Variants in SPATS2L observed in about 807,000 individuals in gnomAD.
SPATS2L encodes the protein spermatogenesis associated serine rich 2 like.
In SPATS2L, 30 loss-of-function variants were observed where a neutral mutation model predicts 59.6. The ratio of observed to expected loss-of-function variants is 0.50; its 90% CI spans 0.38 to 0.68. The LOEUF is 0.68. Ranked by LOEUF, SPATS2L falls within the 30% of genes least tolerant of loss-of-function variation. The pLI is 0.00. For missense variants in SPATS2L, 615 were observed against 700.0 expected (o/e 0.88, Z 1.37); for synonymous variants, 252 against 263.5 (o/e 0.96, Z 0.42).
chr2:200,362,777 G>GT (rs5837734), intron 2 of SPATS2L, among the ~76,000 whole-genome samples: 52,605 of 151,888 alleles, frequency 0.35, 9,919 homozygotes, highest in East Asian at 0.55. Context: ...AGTAAGCAAA[G>GT]TAAAAAAATA....
intron 2 of SPATS2L, among the ~76,000 whole-genome samples, chr2:200,362,435 T>C (rs536294206): frequency 3.1e-4 from 47 of 152,352 alleles, no homozygotes; most frequent in African/African-American, 1.1e-3. Context: ...CAGGTTGTCC[T>C]GTCATCCTTA....
At chr2:200,437,230 A>G (rs2084360778) in intron 6 of SPATS2L, among the ~76,000 whole-genome samples, 1 of 152,232 alleles carries the variant, frequency 6.6e-6, no homozygotes, top group Non-Finnish European at 1.5e-5. Context: ...CTCAATTTAT[A>G]GTATCTCATC....
intron 6 of SPATS2L, among the ~76,000 whole-genome samples, chr2:200,435,264 T>G (rs1309244238): frequency 6.6e-6 from 1 of 152,096 alleles, no homozygotes; most frequent in Non-Finnish European, 1.5e-5. Context: ...TATACAAAAT[T>G]GGGATTTGGT....
intron 2 of SPATS2L, among the ~76,000 whole-genome samples, chr2:200,358,777 C>T (rs932266400): frequency 3.9e-5 from 6 of 151,936 alleles, no homozygotes; most frequent in African/African-American, 1.5e-4. Context: ...CACTTGAGGC[C>T]AGGAGTTTGA....
intron 8 of SPATS2L, among the ~76,000 whole-genome samples, chr2:200,457,077 C>G (rs1574645270): frequency 1.3e-5 from 2 of 151,998 alleles, no homozygotes; most frequent in South Asian, 4.2e-4. Flanking sequence ...GTAGCTTAAC[C>G]ATATATTTGT....
chr2:200,467,627 A>C (rs910807459), intron 10 of SPATS2L, among the ~76,000 whole-genome samples: 1 of 152,206 alleles, frequency 6.6e-6, no homozygotes, highest in Non-Finnish European at 1.5e-5. Context: ...GGTACAAGCT[A>C]TTTTGTCAGT....
At chr2:200,430,686 C>T (rs1477253850) in intron 6 of SPATS2L, among the ~76,000 whole-genome samples, 21 of 150,782 alleles carry the variant, frequency 1.4e-4, no homozygotes, top group Non-Finnish European at 7.4e-5. Flanking sequence ...TTTAATTGTT[C>T]CCAAACTGTT....
chr2:200,440,778 A>G lies in SPATS2L; in HGVS notation c.782A>G (p.His261Arg), dbSNP rs2084641657. The G allele has an allele frequency of 6.2e-7, 1 of 1,613,388 alleles. No individual in the cohort carries two copies. Residue 261 changes from histidine (H) to arginine (R), a missense_variant, in exon 8 of 13, where the codon CAC becomes CGC. His to Arg is a conservative substitution (Grantham distance 29). Coordinates refer to ENST00000409140, the MANE Select transcript of SPATS2L (RefSeq NM_001100423.2). ...KKIKAAFAEL[H>R]NCIIDKEVSL... ...ATCAAAGCTGCCTTTGCTGAATTAC[A>G]CAACTGGTGAGTGATTCAACGTAGG...
At chr2:200,407,966 TG>T (rs2105975773) in intron 3 of SPATS2L, among the ~76,000 whole-genome samples, 1 of 152,306 alleles carries the variant, frequency 6.6e-6, no homozygotes, top group East Asian at 1.9e-4. Context: ...TGAATGGGCA[TG>T]GTGATTATCC....
intron 6 of SPATS2L, among the ~76,000 whole-genome samples, chr2:200,433,704 A>G (rs1320418820): frequency 5.3e-5 from 8 of 152,134 alleles, no homozygotes; most frequent in Non-Finnish European, 1.2e-4. Flanking sequence ...ACTTTATGCC[A>G]ATAAATCCAA....
intron 2 of SPATS2L, among the ~76,000 whole-genome samples, chr2:200,380,012 T>C (rs917491720): frequency 1.4e-4 from 21 of 152,204 alleles, no homozygotes; most frequent in Non-Finnish European, 2.6e-4. Flanking sequence ...GGAGCCAGCA[T>C]TGGGTCACTT....
chr2:200,349,570 A>G (rs2080647505), intron 2 of SPATS2L, among the ~76,000 whole-genome samples: 1 of 152,172 alleles, frequency 6.6e-6, no homozygotes. Flanking sequence ...CCCAGGAGGC[A>G]GAGGTGGTAG....
chr2:200,329,329 T>C (rs1031090233), intron 1 of SPATS2L, 102 bp from the exon 2 acceptor site: 1 of 974,760 alleles, frequency 1.0e-6, no homozygotes, highest in African/African-American at 1.6e-5. Flanking sequence ...CCTGTCTTCT[T>C]GACTCCAGAT....
chr2:200,438,755 A>C (rs1275341698), intron 6 of SPATS2L, among the ~76,000 whole-genome samples: 1 of 152,164 alleles, frequency 6.6e-6, no homozygotes, highest in Non-Finnish European at 1.5e-5. Context: ...ATTGTACTTA[A>C]AAGACTCATA....
chr2:200,308,778 CTTTA>C (rs539394851), intron 1 of SPATS2L: 245 of 412,712 alleles, frequency 5.9e-4, no homozygotes, highest in African/African-American at 4.6e-3. Flanking sequence ...AATTTTCTTT[CTTTA>C]ATCCCTGAAA....
intron 3 of SPATS2L, among the ~76,000 whole-genome samples, chr2:200,393,650 G>A (rs989327233): frequency 2.6e-5 from 4 of 152,010 alleles, no homozygotes; most frequent in Admixed American, 2.6e-4. Flanking sequence ...AATTCTGAAC[G>A]TTTATAATTT....
chr2:200,433,533 A>G (rs1006750362), intron 6 of SPATS2L, among the ~76,000 whole-genome samples: 1 of 152,146 alleles, frequency 6.6e-6, no homozygotes, highest in Non-Finnish European at 1.5e-5. Flanking sequence ...AAATTAATCA[A>G]TCTTCTAAAC....
intron 12 of SPATS2L, 117 bp from the exon 13 acceptor site, chr2:200,477,515 TAAAA>T (rs59073895): frequency 0.012 from 3,608 of 300,950 alleles, no homozygotes; most frequent in East Asian, 0.026. Context: ...TTCTGGTGTA[TAAAA>T]AAAAAAAAAA....
chr2:200,442,197 T>C (rs907361381), intron 8 of SPATS2L, among the ~76,000 whole-genome samples: 6 of 152,168 alleles, frequency 3.9e-5, no homozygotes, highest in African/African-American at 1.4e-4. Flanking sequence ...TATGTTTGAG[T>C]ACCTAGAGAA....
Sources: allele counts gnomAD v4.1 joint callset (sites outside exome capture counted in the v4.1 genomes callset), GRCh38; gene constraint gnomAD v4.1.1; transcripts MANE v1.5; gene names NCBI Gene and HGNC (gene_info 2026-07-23, HGNC 2026-07-21).